PLCH2: variants seen among roughly 807,000 people sequenced by gnomAD.
The protein encoded by PLCH2 is 1-phosphatidylinositol 4,5-bisphosphate phosphodiesterase eta-2.
PLCH2 carries 98 observed loss-of-function variants against 134.7 expected under a neutral mutation model. That is an observed-to-expected ratio of 0.73 (90% CI 0.62 to 0.86). The LOEUF (loss-of-function observed/expected upper bound fraction) is 0.86. Among genes scored for constraint, PLCH2 ranks in the 40% least tolerant of loss-of-function variants. PLCH2 has a pLI of 0.00. For missense variants in PLCH2, 1,994 were observed against 1,986.6 expected (o/e 1.00, Z -0.07); for synonymous variants, 974 against 827.5 (o/e 1.18, Z -3.04).
the PLCH2 span, among the ~76,000 whole-genome samples, chr1:2,419,521 C>A: frequency 3.9e-5 from 6 of 152,134 alleles, no homozygotes; most frequent in Non-Finnish European, 8.8e-5. Context: ...GAGGCGCCTC[C>A]CATGGCAGTG....
chr1:2,465,964 C>T (rs923254906), upstream of PLCH2, among the ~76,000 whole-genome samples: 2 of 152,222 alleles, frequency 1.3e-5, no homozygotes, highest in South Asian at 2.1e-4. Flanking sequence ...CTCTCCCCAC[C>T]TCAGTTTCTC....
intron 4 of PLCH2, among the ~76,000 whole-genome samples, chr1:2,482,822 C>T (rs542506537): frequency 1.3e-5 from 2 of 152,312 alleles, no homozygotes; most frequent in Non-Finnish European, 2.9e-5. Flanking sequence ...GCCGAGCCGG[C>T]CCTGGTTCCT....
chr1:2,499,587 T>C (rs1428338023), intron 19 of PLCH2, 54 bp from the exon 20 acceptor site: 5 of 1,327,576 alleles, frequency 3.8e-6, no homozygotes, highest in Admixed American at 1.9e-5. Context: ...GCAGAGCAGG[T>C]GGGGGCCCTG....
chr1:2,451,647 C>G (rs1183844690), intron 2 of PLCH2, among the ~76,000 whole-genome samples: 1 of 152,180 alleles, frequency 6.6e-6, no homozygotes, highest in Non-Finnish European at 1.5e-5. Context: ...TCTGACCCCT[C>G]AGAGGGTCAG....
At chr1:2,440,233 C>T (rs998345728) in intron 2 of PLCH2, among the ~76,000 whole-genome samples, 1 of 152,068 alleles carries the variant, frequency 6.6e-6, no homozygotes, top group Admixed American at 6.5e-5. Context: ...GGAAGTGGCC[C>T]ATCTGGGAGC....
chr1:2,502,694 G>A (rs1401055972), intron 21 of PLCH2: 2 of 707,110 alleles, frequency 2.8e-6, no homozygotes, highest in Non-Finnish European at 5.3e-6. Flanking sequence ...AAGCAGAGAG[G>A]CCCCCAAGGG....
Position 2,495,470 on chromosome 1 carries a change from C to T in PLCH2, c.1753-18C>T, listed in dbSNP as rs1373684945. 2.6e-6 allele frequency: 4 copies of T among 1,549,982 alleles called. No homozygotes were observed. The highest frequency in any genetic ancestry group is 2.7e-5 in the African/African-American group (2 of 72,962). On this transcript the variant is annotated intron_variant, in intron 12 of 21. Coordinates refer to ENST00000378486, the MANE Select transcript of PLCH2 (RefSeq NM_014638.4). ...TGGGCCAGAGGCCCTACAGCTCACA[C>T]CTCTGCCCCCCGCACAGAAGAAGGG...
rs1481689564 is a variant in PLCH2, at chr1:2,505,054, G to C, written c.4092G>C (p.Gln1364His). 2.6e-6 allele frequency: 4 copies of C among 1,540,628 alleles called. No homozygotes were observed. Among genetic ancestry groups the C allele is most frequent in the Middle Eastern group, 2.0e-4 (1 of 4,886 alleles). The change falls in exon 22 of 22, where the codon CAG (glutamine) becomes CAC (histidine). Residue 1364 changes from glutamine (Q) to histidine (H), a missense_variant. Gln to His is a conservative substitution (Grantham distance 24). Around this residue, in one of 2 missense-constraint regions of PLCH2, gnomAD observed 900 missense variants for 752.3 expected, o/e 1.20. Transcript: ENST00000378486. ...RQAQERQQRL[Q>H]GLGRQGPPEE... is the part of the protein sequence containing the mutation. The stretch of plus-strand genomic sequence containing the variant: ...CCCAGGAGCGGCAGCAGAGACTGCA[G>C]GGCCTGGGCCGGCAGGGACCCCCAG...
chr1:2,502,416 C>G lies in PLCH2; in HGVS notation c.2959+7C>G, dbSNP rs551787907. On this transcript the variant is annotated splice_region_variant and intron_variant, in intron 21 of 21. Coordinates refer to ENST00000378486, the MANE Select transcript of PLCH2 (RefSeq NM_014638.4). ...GGCAGCGGCAGCCCCCGAGGTAAGG[C>G]GCCAGCTGCGGTGGCAGAGAAGAGC... 1.9e-5 allele frequency: 29 copies of G among 1,543,986 alleles called. No individual in the cohort carries two copies. In the Admixed American group the frequency reaches 5.5e-4, roughly 29 times the overall value.
intron 9 of PLCH2, among the ~76,000 whole-genome samples, 188 bp downstream of exon 9, chr1:2,489,566 C>T (rs1436779204): frequency 6.6e-6 from 1 of 152,262 alleles, no homozygotes; most frequent in Non-Finnish European, 1.5e-5. Context: ...CCCTCATGCA[C>T]ATCCAGGCCT....
chr1:2,453,473 G>C (rs989812200), intron 2 of PLCH2, among the ~76,000 whole-genome samples: 4 of 152,182 alleles, frequency 2.6e-5, no homozygotes, highest in Non-Finnish European at 4.4e-5. Context: ...GGAGAAGGGG[G>C]CCACTGGCCC....
At chr1:2,495,139 C>A (rs757994724) in intron 12 of PLCH2, among the ~76,000 whole-genome samples, 191 bp downstream of exon 12, 6 of 152,184 alleles carry the variant, frequency 3.9e-5, no homozygotes, top group Non-Finnish European at 8.8e-5. Context: ...CTCACAGGAT[C>A]CCCTCTGAGT....
chr1:2,436,696 T>C (rs1295572292), intron 2 of PLCH2, among the ~76,000 whole-genome samples: 1 of 152,218 alleles, frequency 6.6e-6, no homozygotes, highest in Non-Finnish European at 1.5e-5. Context: ...CTATGCAGGC[T>C]GTGCTGGCAG....
At chr1:2,483,207 G>A (rs1046827443) in intron 4 of PLCH2, among the ~76,000 whole-genome samples, 6 of 152,184 alleles carry the variant, frequency 3.9e-5, no homozygotes, top group South Asian at 2.1e-4. Context: ...CAGTGTAGGC[G>A]GACACCTGCT....
rs999283554 is a variant in PLCH2 at position 2,452,784 on chromosome 1, C to G, written c.115+22155C>G. Reference sequence around the variant, plus strand: ...GTCCTGGGAGGGCCTGGAGCTTGGCCAGTCGCTGTCCTCAGCTGACCGCCG... The same window carrying G: ...GTCCTGGGAGGGCCTGGAGCTTGGCGAGTCGCTGTCCTCAGCTGACCGCCG... On this transcript the variant is annotated intron_variant, in intron 2 of 3. Transcript: ENST00000609981. Among the ~76,000 whole-genome samples the G allele has an allele frequency of 3.3e-5, 5 of 152,218 alleles. No homozygotes were observed. In the East Asian group the frequency reaches 5.8e-4, roughly 18 times the overall value.
In PLCH2 at chr1:2,504,482, G is replaced by A. The variant is rs1333261102; in HGVS notation, c.3520G>A (p.Gly1174Arg). 2 of 1,612,372 alleles carry A rather than the reference G, an allele frequency of 1.2e-6. No homozygotes were observed. The highest frequency in any genetic ancestry group is 2.2e-5 in the East Asian group (1 of 44,854). ...GGGCCGCAGCCGTGAGAACCTCGCT[G>A]GAGCCCACATGGGACGCCTGCCCCC... Reference protein sequence around the residue: ...GLGRSRENLAGAHMGRLPPRP... With the variant: ...GLGRSRENLARAHMGRLPPRP... The change falls in exon 22 of 22, where the codon GGA becomes AGA. Residue 1174 changes from glycine to arginine, a missense_variant. Around this residue, in one of 2 missense-constraint regions of PLCH2, gnomAD observed 900 missense variants for 752.3 expected, o/e 1.20. Transcript: ENST00000378486.
At chr1:2,453,791 C>T (rs1414117629) in intron 2 of PLCH2, among the ~76,000 whole-genome samples, 1 of 152,208 alleles carries the variant, frequency 6.6e-6, no homozygotes, top group Non-Finnish European at 1.5e-5. Flanking sequence ...AGCCCTGGGT[C>T]CAGCCTGGTG....
rs993917210 is a variant in PLCH2, at chr1:2,444,724, C to T, written c.115+14095C>T. 1.3e-5 allele frequency among the ~76,000 whole-genome samples: 2 copies of T among 152,134 alleles called. No individual in the cohort carries two copies. Among genetic ancestry groups the T allele is most frequent in the African/African-American group, 4.8e-5 (2 of 41,424 alleles). ...TGACACTGGAGGCAGCCAAGGTGGC[C>T]ACTGATCCCCACTGTGACCACTGAG... On this transcript the variant is annotated intron_variant, in intron 2 of 3. Coordinates refer to the PLCH2 transcript ENST00000609981. The surrounding 1 kb of genome is among the most constrained non-coding windows in gnomAD (Gnocchi z 4.6).
rs938707613 is a variant in PLCH2, at chr1:2,489,508, C to A, written c.1407+130C>A. The A allele has an allele frequency of 1.7e-5, 16 of 958,756 alleles. No individual in the cohort carries two copies. In the Admixed American group the frequency reaches 3.8e-4, roughly 23 times the overall value. The allele number at this position is 958,756 out of a possible 1,614,324, so 59.4% of individuals were successfully genotyped here. A position where few individuals can be genotyped will look rare whatever the true frequency, so the allele number is the denominator to read the frequency against. ...TCTAGGGGGCTGAGGGCTGGCCACG[C>A]TCCTGACCTGGCCTCCATCTCCCCA... On this transcript the variant is annotated intron_variant, in intron 9 of 21. Transcript: ENST00000378486.
Sources: gnomAD v4.1 joint callset for allele counts (sites outside exome capture counted in the v4.1 genomes callset) on GRCh38, gnomAD v4.1.1 for gene constraint, gnomAD v4.1.1 regional missense constraint, Gnocchi (gnomAD v3.1) non-coding constraint, MANE v1.5 for transcripts, NCBI Gene and HGNC (gene_info 2026-07-23, HGNC 2026-07-21) for gene names.